Variants in DPP10 observed in about 807,000 individuals in gnomAD.
The protein encoded by DPP10 is dipeptidyl peptidase like 10.
Under a neutral mutation model 120.9 loss-of-function variants are expected in DPP10, and 33 were observed. That is an observed-to-expected ratio of 0.27 (90% CI 0.21 to 0.37). DPP10 has a LOEUF of 0.37. Among genes scored for constraint, DPP10 ranks in the 10% least tolerant of loss-of-function variants. DPP10 has a pLI of 1.00. For missense variants in DPP10, 816 were observed against 942.8 expected (o/e 0.87, Z 1.76); for synonymous variants, 337 against 326.1 (o/e 1.03, Z -0.36).
intron 1 of DPP10, among the ~76,000 whole-genome samples, chr2:115,025,771 T>TA (rs1443571603): frequency 2.0e-5 from 3 of 152,184 alleles, no homozygotes; most frequent in African/African-American, 7.2e-5. Context: ...GAGCTTTTTT[T>TA]TATATATACC....
chr2:115,391,979 G>T (rs1174238282), intron 3 of DPP10, among the ~76,000 whole-genome samples: 1 of 152,118 alleles, frequency 6.6e-6, no homozygotes, highest in Non-Finnish European at 1.5e-5. Context: ...TGACCTAGAA[G>T]ACTGGGGCCT....
At chr2:115,434,412 GT>G (rs2071287931) in intron 3 of DPP10, among the ~76,000 whole-genome samples, 1 of 151,890 alleles carries the variant, frequency 6.6e-6, no homozygotes, top group Admixed American at 6.6e-5. Context: ...GAATCAAATT[GT>G]TTCCATATCC....
chr2:115,334,228 C>CTTTTTTTTTTTTTTTTTTT (rs1393213758), intron 2 of DPP10, among the ~76,000 whole-genome samples: 9 of 22,322 alleles, frequency 4.0e-4, no homozygotes, highest in African/African-American at 7.5e-4. Context: ...AGAGCAGACT[C>CTTTTTTTTTTTTTTTTTTT]TGTTTTTTTT....
At chr2:114,916,154 AC>A (rs1694787623) in intron 1 of DPP10, among the ~76,000 whole-genome samples, 1 of 152,184 alleles carries the variant, frequency 6.6e-6, no homozygotes, top group Non-Finnish European at 1.5e-5. Context: ...ATTACCACTA[AC>A]CCCACAGAAA....
intron 1 of DPP10, among the ~76,000 whole-genome samples, chr2:115,112,869 T>A (rs1177133121): frequency 6.6e-6 from 1 of 152,210 alleles, no homozygotes; most frequent in African/African-American, 2.4e-5. Flanking sequence ...TTCTCTTAAG[T>A]CTGTGCTGTA....
chr2:114,745,880 C>G (rs183522909), intron 1 of DPP10, among the ~76,000 whole-genome samples: 1 of 152,214 alleles, frequency 6.6e-6, no homozygotes, highest in African/African-American at 2.4e-5. Context: ...CCCCACTGTC[C>G]TTTCTCATCT....
chr2:115,379,314 T>C (rs2106453612), intron 3 of DPP10, among the ~76,000 whole-genome samples: 1 of 152,362 alleles, frequency 6.6e-6, no homozygotes, highest in African/African-American at 2.4e-5. Context: ...TATCTATTTC[T>C]TCTAGATTTT....
chr2:115,622,510 C>CTTTTTTTTTTTTTTTTTTTTATT (rs2085029409), intron 5 of DPP10, among the ~76,000 whole-genome samples: 3 of 117,410 alleles, frequency 2.6e-5, no homozygotes, highest in East Asian at 2.5e-4. Flanking sequence ...ATTTTATTGT[C>CTTTTTTTTTTTTTTTTTTTTATT]TTTTTTTTTT....
chr2:114,942,246 C>T (rs1186499117), intron 1 of DPP10, among the ~76,000 whole-genome samples: 1 of 143,172 alleles, frequency 7.0e-6, no homozygotes, highest in Non-Finnish European at 1.5e-5. Flanking sequence ...GCACTCCAGC[C>T]TGGGTGACAG....
chr2:115,167,509 C>T (rs1559174438), intron 1 of DPP10, among the ~76,000 whole-genome samples: 2 of 146,518 alleles, frequency 1.4e-5, no homozygotes, highest in South Asian at 2.3e-4. Context: ...CAGGAGGCTG[C>T]GGTGGGAGGA....
intron 5 of DPP10, among the ~76,000 whole-genome samples, chr2:115,588,880 A>C (rs1274346121): frequency 6.6e-6 from 1 of 152,250 alleles, no homozygotes; most frequent in Non-Finnish European, 1.5e-5. Flanking sequence ...AAATAACAAT[A>C]CAAAAATATA....
intron 1 of DPP10, among the ~76,000 whole-genome samples, chr2:114,917,123 T>C (rs1195577320): frequency 6.6e-6 from 1 of 152,184 alleles, no homozygotes; most frequent in Non-Finnish European, 1.5e-5. Flanking sequence ...CAGCAAAGTT[T>C]CACAATACAA....
At chr2:114,708,207 G>A (rs1364635566) in intron 1 of DPP10, among the ~76,000 whole-genome samples, 1 of 152,164 alleles carries the variant, frequency 6.6e-6, no homozygotes, top group African/African-American at 2.4e-5. Context: ...CCCAGGGCAG[G>A]TGGAGCCTTA....
chr2:115,471,709 C>T (rs141910551), intron 3 of DPP10, among the ~76,000 whole-genome samples: 86 of 152,218 alleles, frequency 5.6e-4, no homozygotes, highest in East Asian at 5.0e-3. Flanking sequence ...ACCTCAGCCT[C>T]CTGAGTAGCT....
At chr2:115,221,768 T>G (rs1339929745) in intron 1 of DPP10, among the ~76,000 whole-genome samples, 2 of 149,162 alleles carry the variant, frequency 1.3e-5, no homozygotes, top group Admixed American at 6.7e-5. Context: ...TTTTTTTTTT[T>G]TTTTTTTTTT....
chr2:114,651,647 AT>A (rs1019528811), intron 1 of DPP10, among the ~76,000 whole-genome samples: 4 of 150,842 alleles, frequency 2.7e-5, no homozygotes, highest in East Asian at 1.9e-4. Context: ...GTTAATTAAG[AT>A]TTTTTTTTTA....
At chr2:115,230,520 TG>T (rs1312819610) in intron 1 of DPP10, among the ~76,000 whole-genome samples, 1 of 152,040 alleles carries the variant, frequency 6.6e-6, no homozygotes, top group East Asian at 1.9e-4. Flanking sequence ...TAGTTGCTGT[TG>T]TATCTACTTT....
At chr2:115,637,776 C>T (rs1228653270) in intron 5 of DPP10, among the ~76,000 whole-genome samples, 1 of 152,188 alleles carries the variant, frequency 6.6e-6, no homozygotes, top group Non-Finnish European at 1.5e-5. Context: ...CTACACACAG[C>T]TCTCACTGAT....
intron 5 of DPP10, among the ~76,000 whole-genome samples, chr2:115,658,625 A>C (rs2088617828): frequency 6.6e-6 from 1 of 152,142 alleles, no homozygotes; most frequent in African/African-American, 2.4e-5. Context: ...TTGTCATTCA[A>C]CTTGGGTACA....
Sources: gnomAD v4.1 joint callset for allele counts (sites outside exome capture counted in the v4.1 genomes callset) on GRCh38, gnomAD v4.1.1 for gene constraint, MANE v1.5 for transcripts, NCBI Gene and HGNC (gene_info 2026-07-23, HGNC 2026-07-21) for gene names.